PHACTR1: variants seen among roughly 807,000 people sequenced by gnomAD.
PHACTR1 encodes RPEL repeat containing 1.
PHACTR1 carries 16 observed loss-of-function variants against 69.2 expected under a neutral mutation model. The observed-to-expected ratio is 0.23, with a 90% CI of 0.16 to 0.35. PHACTR1 has a LOEUF of 0.35. Among genes scored for constraint, PHACTR1 ranks in the 10% least tolerant of loss-of-function variants. The pLI is 1.00. For missense variants in PHACTR1, 510 were observed against 734.7 expected (o/e 0.69, Z 3.54); for synonymous variants, 312 against 284.5 (o/e 1.10, Z -0.97).
At chr6:12,910,623 A>G (rs1453290736) in intron 4 of PHACTR1, among the ~76,000 whole-genome samples, 1 of 152,208 alleles carries the variant, frequency 6.6e-6, no homozygotes, top group Non-Finnish European at 1.5e-5. Context: ...GTTCATCAGC[A>G]CCATGAGCAC....
rs1288495507 is a variant in PHACTR1 at position 13,206,029 on chromosome 6, C to T, written c.879C>T (p.Gly293=). 3.1e-6 allele frequency: 5 copies of T among 1,613,822 alleles called. No homozygotes were observed. Among genetic ancestry groups the T allele is most frequent in the Non-Finnish European group, 4.2e-6 (5 of 1,179,888 alleles). Residue 293 remains glycine, a synonymous_variant, in exon 8 of 15, where the codon GGC becomes GGT. Coordinates refer to ENST00000332995, the MANE Select transcript of PHACTR1 (RefSeq NM_030948.6). The stretch of plus-strand genomic sequence containing the variant: ...ACCAGCTGCAGTACGGCAGCCACGG[C>T]CAGCACCTCCCCTCCACCACCGGCT... The part of the protein sequence containing the change: ...IQHQLQYGSH[G]QHLPSTTGSL...
rs1257936342 is a variant in PHACTR1, at chr6:12,827,503, G to A, written c.250+77713G>A. ...TTAAGATATATCCATGTGAATGAAA[G>A]CCTGTGTATGGAGAATCTACCTCTG... On this transcript the variant is annotated intron_variant, in intron 4 of 14. Transcript: ENST00000332995. Among the ~76,000 whole-genome samples the A allele has an allele frequency of 3.9e-5, 6 of 152,196 alleles. No homozygotes were observed. In the East Asian group the frequency reaches 1.2e-3, roughly 29 times the overall value.
chr6:13,129,401 GTCTT>G (rs1561870102), intron 5 of PHACTR1, among the ~76,000 whole-genome samples: 1 of 152,120 alleles, frequency 6.6e-6, no homozygotes, highest in South Asian at 2.1e-4. Flanking sequence ...AATATCTGCT[GTCTT>G]CAAGAGACTT....
At chr6:12,754,865 ATAATT>A (rs1767105250) in intron 4 of PHACTR1, among the ~76,000 whole-genome samples, 1 of 152,270 alleles carries the variant, frequency 6.6e-6, no homozygotes, top group African/African-American at 2.4e-5. Flanking sequence ...TAATCTAGAG[ATAATT>A]TAAAGTATAC....
At chr6:12,810,705 A>G (rs7760286) in intron 4 of PHACTR1, among the ~76,000 whole-genome samples, 55,991 of 151,874 alleles carry the variant, frequency 0.37, 11,058 homozygotes, top group African/African-American at 0.49. Flanking sequence ...GAGGTGGTTG[A>G]CTCTGCTCTT....
chr6:13,264,110 C>T (rs1776285439), intron 10 of PHACTR1, among the ~76,000 whole-genome samples: 1 of 152,228 alleles, frequency 6.6e-6, no homozygotes, highest in South Asian at 2.1e-4. Flanking sequence ...AAGTCATCTT[C>T]AGTGTATCTC....
chr6:13,070,993 A>G, intron 5 of PHACTR1, among the ~76,000 whole-genome samples: 1 of 5,918 alleles, frequency 1.7e-4, no homozygotes, highest in East Asian at 0.029. Context: ...TTAATAATTA[A>G]AAAAAAAAAA....
At chr6:13,251,147 G>C (rs1244345360) in intron 10 of PHACTR1, among the ~76,000 whole-genome samples, 1 of 152,172 alleles carries the variant, frequency 6.6e-6, no homozygotes, top group Non-Finnish European at 1.5e-5. Context: ...GTGTGTCCCT[G>C]TCTGCTGTGG....
chr6:12,932,718 G>A (rs1789003056), intron 4 of PHACTR1, among the ~76,000 whole-genome samples: 1 of 152,032 alleles, frequency 6.6e-6, no homozygotes, highest in Admixed American at 6.6e-5. Flanking sequence ...CTAAGCTTTT[G>A]TCTGCATTAT....
At chr6:12,741,653 A>G (rs1765062019) in intron 3 of PHACTR1, among the ~76,000 whole-genome samples, 1 of 152,016 alleles carries the variant, frequency 6.6e-6, no homozygotes, top group East Asian at 1.9e-4. Context: ...TGTCTTTATA[A>G]TAAGTCTTGA....
intron 4 of PHACTR1, among the ~76,000 whole-genome samples, chr6:12,910,520 C>A (rs1242660290): frequency 6.6e-6 from 1 of 152,126 alleles, no homozygotes. Flanking sequence ...CTAAGAAAAA[C>A]AAACAGGCTT....
chr6:13,035,913 C>G (rs1175765667), intron 4 of PHACTR1, among the ~76,000 whole-genome samples: 1 of 152,154 alleles, frequency 6.6e-6, no homozygotes, highest in Non-Finnish European at 1.5e-5. Context: ...GGCTTAAACA[C>G]AAACGTAATA....
rs1781948246 is a variant in PHACTR1 at position 13,287,798 on chromosome 6, A to C, written c.*720A>C. ...AGGAAGCTCTGGTTTAGAAGGGGAAAGATGTCATATGCTCAGTTCAAATAA... is the reference window on the plus strand; with the variant it reads ...AGGAAGCTCTGGTTTAGAAGGGGAACGATGTCATATGCTCAGTTCAAATAA... On this transcript the variant is annotated 3_prime_UTR_variant, in exon 15 of 15. Transcript: ENST00000332995. 6.5e-6 allele frequency: 1 copy of C among 153,292 alleles called. No homozygotes were observed. Among genetic ancestry groups the C allele is most frequent in the Non-Finnish European group, 1.5e-5 (1 of 68,874 alleles). The allele number at this position is 153,292 out of a possible 1,614,324, so 9.5% of individuals were successfully genotyped here. A position where few individuals can be genotyped will look rare whatever the true frequency, so the allele number is the denominator to read the frequency against.
intron 4 of PHACTR1, among the ~76,000 whole-genome samples, chr6:12,860,145 C>G (rs889625464): frequency 3.9e-4 from 59 of 152,092 alleles, no homozygotes; most frequent in Non-Finnish European, 3.4e-4. Context: ...ATTGCTATCC[C>G]TCCCCTTATC....
At chr6:12,726,805 C>T (rs1762851104) in intron 3 of PHACTR1, among the ~76,000 whole-genome samples, 1 of 152,190 alleles carries the variant, frequency 6.6e-6, no homozygotes. Flanking sequence ...TAGGTTATAA[C>T]TTTTTCCATT....
chr6:12,797,264 A>G (rs9463119), intron 4 of PHACTR1, among the ~76,000 whole-genome samples: 10,548 of 152,184 alleles, frequency 0.069, 462 homozygotes, highest in Admixed American at 0.1. Flanking sequence ...CAGTGGCTCC[A>G]GGGAAAAGAT....
At chr6:12,786,461 C>G (rs1771558455) in intron 4 of PHACTR1, among the ~76,000 whole-genome samples, 1 of 152,186 alleles carries the variant, frequency 6.6e-6, no homozygotes, top group Admixed American at 6.5e-5. Flanking sequence ...ATTCAGAAAT[C>G]AGTACTCAAG....
At chr6:13,109,458 A>T (rs1816680242) in intron 5 of PHACTR1, among the ~76,000 whole-genome samples, 1 of 151,824 alleles carries the variant, frequency 6.6e-6, no homozygotes, top group South Asian at 2.1e-4. Context: ...TTATTCACTC[A>T]TTGCCTTCTG....
intron 7 of PHACTR1, among the ~76,000 whole-genome samples, chr6:13,197,542 T>C (rs1221264051): frequency 1.3e-5 from 2 of 150,976 alleles, no homozygotes; most frequent in Non-Finnish European, 3.0e-5. Context: ...CTGAGTTCCT[T>C]TTTTTTTTAT....
Sources: allele counts gnomAD v4.1 joint callset (sites outside exome capture counted in the v4.1 genomes callset), GRCh38; gene constraint gnomAD v4.1.1; transcripts MANE v1.5; gene names NCBI Gene and HGNC (gene_info 2026-07-23, HGNC 2026-07-21).